The following PSD3 variants were observed in gnomAD, a reference collection of about 807,000 sequenced individuals.
The protein encoded by PSD3 is pleckstrin and Sec7 domain containing 3.
Under a neutral mutation model 105.5 loss-of-function variants are expected in PSD3, and 49 were observed. The ratio of observed to expected loss-of-function variants is 0.46; its 90% CI spans 0.37 to 0.59. The LOEUF is 0.59. PSD3 is among the 20% of genes least tolerant of loss of function. The probability of loss-of-function intolerance (pLI) is 0.00; values close to 1 mark genes in which losing one functional copy is unlikely to be tolerated. For synonymous variants in PSD3, 557 were observed against 457.8 expected (o/e 1.22, Z -2.77); for missense variants, 1,561 against 1,263.8 (o/e 1.24, Z -3.57).
At chr8:18,999,820 A>G (rs992262124) in intron 1 of PSD3, among the ~76,000 whole-genome samples, 7 of 151,636 alleles carry the variant, frequency 4.6e-5, no homozygotes, top group Admixed American at 4.6e-4. Flanking sequence ...TTCCCTCTGA[A>G]TCATTACTTA....
chr8:18,591,775 C>G lies in PSD3; in HGVS notation c.2481+8589G>C, dbSNP rs560181853. Among the ~76,000 whole-genome samples, 6 of 152,270 alleles carry G rather than the reference C, an allele frequency of 3.9e-5. No individual in the cohort carries two copies. The South Asian group carries it at 1.2e-3, about 32-fold the overall frequency. Reference sequence around the variant, plus strand: ...CTCTCCTGATTCAGGGAACTGATGGCATACACTTGGTGGCTGCTTAGAACA... The same window carrying G: ...CTCTCCTGATTCAGGGAACTGATGGGATACACTTGGTGGCTGCTTAGAACA... On this transcript the variant is annotated intron_variant, in intron 12 of 15. Coordinates refer to ENST00000327040, the MANE Select transcript of PSD3 (RefSeq NM_015310.4).
At chr8:18,996,035 A>C (rs1464711538) in intron 1 of PSD3, among the ~76,000 whole-genome samples, 2 of 151,954 alleles carry the variant, frequency 1.3e-5, no homozygotes, top group Non-Finnish European at 2.9e-5. Flanking sequence ...CACTTCAACA[A>C]TGTCCCCAGG....
chr8:18,861,652 A>T (rs1175491917), intron 4 of PSD3, among the ~76,000 whole-genome samples: 1 of 152,178 alleles, frequency 6.6e-6, no homozygotes, highest in Non-Finnish European at 1.5e-5. Flanking sequence ...TGTGTCCTAG[A>T]GTCAAACATT....
chr8:18,872,609 T>G lies in PSD3; in HGVS notation c.255A>C (p.Pro85=), dbSNP rs373346418. 3 of 1,614,088 alleles carry G rather than the reference T, an allele frequency of 1.9e-6. No individual in the cohort carries two copies. Among genetic ancestry groups the G allele is most frequent in the Admixed American group, 1.7e-5 (1 of 60,018 alleles). ...CACCCTGCTGCTCTTGTGGGTGGCA[T>G]GGCAGAGCCTCACCATCAAATTCCA... The part of the protein sequence containing the change: ...ASLEFDGEAL[P]CHPQEQQGVQ... The change falls in exon 3 of 16, where the codon CCA becomes CCC. Residue 85 remains proline, a synonymous_variant. Coordinates refer to ENST00000327040, the MANE Select transcript of PSD3 (RefSeq NM_015310.4).
chr8:18,847,238 G>C (rs1189847490), intron 4 of PSD3, among the ~76,000 whole-genome samples: 1 of 152,170 alleles, frequency 6.6e-6, no homozygotes, highest in Non-Finnish European at 1.5e-5. Context: ...ATCTCCTACT[G>C]TCCTGGTGCT....
intron 8 of PSD3, among the ~76,000 whole-genome samples, chr8:18,787,986 TAC>T (rs1809343339): frequency 6.6e-6 from 1 of 152,226 alleles, no homozygotes; most frequent in Non-Finnish European, 1.5e-5. Flanking sequence ...TATATTCTGT[TAC>T]AGTTATTCAA....
chr8:18,665,670 C>A (rs1027772935), intron 9 of PSD3, among the ~76,000 whole-genome samples: 3 of 152,206 alleles, frequency 2.0e-5, no homozygotes, highest in East Asian at 3.8e-4. Flanking sequence ...GCATCAAATG[C>A]TACACAGAAA....
intron 9 of PSD3, among the ~76,000 whole-genome samples, chr8:18,718,421 T>C (rs959759147): frequency 3.3e-5 from 5 of 152,234 alleles, no homozygotes; most frequent in African/African-American, 4.8e-5. Context: ...TGCAGTGAAG[T>C]AGGCAGAGAC....
chr8:18,947,291 G>GTC (rs1403502447), intron 1 of PSD3, among the ~76,000 whole-genome samples: 2 of 152,212 alleles, frequency 1.3e-5, no homozygotes, highest in Non-Finnish European at 2.9e-5. Flanking sequence ...CACCAGCTTA[G>GTC]GGAGAAGACG....
At chr8:18,812,395 G>C (rs1811773445) in intron 4 of PSD3, among the ~76,000 whole-genome samples, 1 of 152,274 alleles carries the variant, frequency 6.6e-6, no homozygotes, top group Non-Finnish European at 1.5e-5. Context: ...TAATATTGAA[G>C]GGTTCTGAGT....
intron 1 of PSD3, among the ~76,000 whole-genome samples, chr8:19,083,627 G>T (rs1408889113): frequency 6.6e-6 from 1 of 152,142 alleles, no homozygotes; most frequent in African/African-American, 2.4e-5. Flanking sequence ...GGGTGTGGCT[G>T]AGTTCCAAGG....
At chr8:18,737,711 AT>A (rs893544998) in intron 9 of PSD3, among the ~76,000 whole-genome samples, 7 of 151,962 alleles carry the variant, frequency 4.6e-5, no homozygotes, top group East Asian at 1.9e-4. Context: ...TATATACCTT[AT>A]TTTTTTTCCC....
At chr8:18,553,831 C>G (rs1255100558) in intron 15 of PSD3, among the ~76,000 whole-genome samples, 2 of 152,104 alleles carry the variant, frequency 1.3e-5, no homozygotes, top group African/African-American at 2.4e-5. Context: ...TTAGCTGTAC[C>G]AAGTCAGCTA....
chr8:18,901,329 G>A (rs1255806246), intron 2 of PSD3, among the ~76,000 whole-genome samples: 1 of 152,186 alleles, frequency 6.6e-6, no homozygotes, highest in Non-Finnish European at 1.5e-5. Context: ...CAGGTAAAGT[G>A]AGTTTCTTGT....
chr8:18,697,186 CA>C (rs1801308468), intron 9 of PSD3, among the ~76,000 whole-genome samples: 1 of 152,178 alleles, frequency 6.6e-6, no homozygotes, highest in Admixed American at 6.5e-5. Flanking sequence ...GTGTATTTTA[CA>C]CTCCCAGAAT....
At chr8:18,634,815 A>C (rs548626685) in intron 10 of PSD3, among the ~76,000 whole-genome samples, 225 of 152,244 alleles carry the variant, frequency 1.5e-3, no homozygotes, top group African/African-American at 5.3e-3. Flanking sequence ...TACTTGTTAG[A>C]ATTAACCATG....
intron 9 of PSD3, among the ~76,000 whole-genome samples, chr8:18,691,468 C>T (rs1325916940): frequency 1.3e-5 from 2 of 152,202 alleles, no homozygotes; most frequent in African/African-American, 2.4e-5. Context: ...CAGGGCCTTC[C>T]GGAGATCAGA....
At chr8:18,986,132 A>G (rs1563487512) in intron 1 of PSD3, among the ~76,000 whole-genome samples, 1 of 152,202 alleles carries the variant, frequency 6.6e-6, no homozygotes, top group South Asian at 2.1e-4. Flanking sequence ...TAGGAGTTTT[A>G]TCTTAAAAAG....
At chr8:18,552,447 G>C (rs543889694) in intron 15 of PSD3, among the ~76,000 whole-genome samples, 1 of 152,184 alleles carries the variant, frequency 6.6e-6, no homozygotes, top group African/African-American at 2.4e-5. Context: ...AGGGCCAACT[G>C]CATTGCTGTC....
Sources: allele counts gnomAD v4.1 joint callset (sites outside exome capture counted in the v4.1 genomes callset), GRCh38; gene constraint gnomAD v4.1.1; transcripts MANE v1.5; gene names NCBI Gene and HGNC (gene_info 2026-07-23, HGNC 2026-07-21).